The following PRELID3A variants were observed in gnomAD, a reference collection of about 807,000 sequenced individuals.
PRELID3A encodes the protein PRELI domain containing protein 3A.
PRELID3A carries 27 observed loss-of-function variants against 23.0 expected under a neutral mutation model. That is an observed-to-expected ratio of 1.17 (90% CI 0.87 to 1.62). The LOEUF is 1.62. Ranked by LOEUF, PRELID3A falls within the 40% of genes most tolerant of loss-of-function variation. The pLI, the probability that PRELID3A is intolerant of heterozygous loss-of-function variation, is 0.00. For missense variants in PRELID3A, 231 were observed against 231.4 expected (o/e 1.00, Z 0.01); for synonymous variants, 87 against 86.4 (o/e 1.01, Z -0.04).
intron 3 of PRELID3A, among the ~76,000 whole-genome samples, chr18:12,423,513 G>T (rs1174548884): frequency 1.3e-5 from 2 of 152,158 alleles, no homozygotes; most frequent in African/African-American, 4.8e-5. Context: ...TCTGGTTAGG[G>T]CGCCAGGCTG....
chr18:12,420,552 C>T (rs2143361498), intron 2 of PRELID3A, 59 bp downstream of exon 2: 1 of 1,432,300 alleles, frequency 7.0e-7, no homozygotes, highest in Non-Finnish European at 9.2e-7. Flanking sequence ...CCCGCCCCCG[C>T]CCTCTCCCGC....
At chr18:12,408,249 G>T (rs1292422009) in intron 1 of PRELID3A, among the ~76,000 whole-genome samples, 1 of 151,670 alleles carries the variant, frequency 6.6e-6, no homozygotes, top group Non-Finnish European at 1.5e-5. Context: ...GTGCGCAGGG[G>T]CCTGGCTGCA....
chr18:12,420,596 T>G, intron 2 of PRELID3A, 103 bp downstream of exon 2: 1 of 1,248,578 alleles, frequency 8.0e-7, no homozygotes, highest in Non-Finnish European at 1.0e-6. Flanking sequence ...CTCTGCTGCT[T>G]TGGCTGCCAT....
At chr18:12,420,896 C>T (rs2030157227) in intron 2 of PRELID3A, among the ~76,000 whole-genome samples, 1 of 152,050 alleles carries the variant, frequency 6.6e-6, no homozygotes, top group Admixed American at 6.5e-5. Flanking sequence ...CCCAAAGGGC[C>T]CGGGCCTGCT....
chr18:12,420,969 G>T (rs1041917356), intron 2 of PRELID3A, among the ~76,000 whole-genome samples: 9 of 152,154 alleles, frequency 5.9e-5, no homozygotes, highest in Non-Finnish European at 1.0e-4. Flanking sequence ...AGCGTCCGCA[G>T]CCAGCCGCAT....
intron 1 of PRELID3A, among the ~76,000 whole-genome samples, chr18:12,418,126 G>T (rs2030022688): frequency 6.6e-6 from 1 of 152,120 alleles, no homozygotes; most frequent in Non-Finnish European, 1.5e-5. Context: ...AAATATGGAA[G>T]AAAAAACTTC....
intron 1 of PRELID3A, among the ~76,000 whole-genome samples, chr18:12,409,069 A>C (rs567556407): frequency 1.3e-5 from 2 of 152,170 alleles, no homozygotes; most frequent in South Asian, 4.1e-4. Flanking sequence ...TTGGGGGGAA[A>C]AAAAGTACTG....
chr18:12,418,208 A>G (rs1259876510), intron 1 of PRELID3A, among the ~76,000 whole-genome samples: 1 of 152,186 alleles, frequency 6.6e-6, no homozygotes, highest in Non-Finnish European at 1.5e-5. Context: ...GAAGAATTAG[A>G]TATGTTGAAA....
intron 2 of PRELID3A, among the ~76,000 whole-genome samples, 168 bp downstream of exon 2, chr18:12,420,661 G>A (rs999829584): frequency 3.4e-5 from 5 of 147,474 alleles, no homozygotes; most frequent in South Asian, 2.2e-4. Flanking sequence ...GCGGGGTGGG[G>A]GTGGCGGTGG....
intron 1 of PRELID3A, among the ~76,000 whole-genome samples, chr18:12,408,761 G>C (rs1386609501): frequency 6.6e-6 from 1 of 152,142 alleles, no homozygotes; most frequent in Non-Finnish European, 1.5e-5. Context: ...AAGGGTGAGG[G>C]GGTGGGTGCA....
chr18:12,410,062 T>C (rs575757534), intron 1 of PRELID3A, among the ~76,000 whole-genome samples: 1 of 152,346 alleles, frequency 6.6e-6, no homozygotes, highest in East Asian at 1.9e-4. Context: ...ATTTGCCTTG[T>C]TGGGACATTG....
intron 3 of PRELID3A, among the ~76,000 whole-genome samples, chr18:12,424,039 G>C (rs934895772): frequency 6.6e-6 from 1 of 152,218 alleles, no homozygotes; most frequent in African/African-American, 2.4e-5. Context: ...CTGCAGGATA[G>C]AGCCTAGCTC....
chr18:12,421,578 A>C lies in PRELID3A; in HGVS notation c.240A>C (p.Glu80Asp). 6.2e-7 allele frequency: 1 copy of C among 1,613,958 alleles called. No individual in the cohort carries two copies. Among genetic ancestry groups the C allele is most frequent in the Non-Finnish European group, 8.5e-7 (1 of 1,179,862 alleles). ...GTAGGACATTGACATACATCCGAGA[A>C]CATTCTGTGGTGGATCCAGTGGAAA... ...GTSRTLTYIR[E>D]HSVVDPVEKK... Residue 80 changes from glutamate to aspartate, a missense_variant, in exon 3 of 7, where the codon GAA becomes GAC. By Grantham distance (45) the Glu-to-Asp change is conservative. Coordinates refer to ENST00000440960, the MANE Select transcript of PRELID3A (RefSeq NM_001142405.2).
chr18:12,429,891 C>T (rs894624594), intron 6 of PRELID3A, among the ~76,000 whole-genome samples: 7 of 152,270 alleles, frequency 4.6e-5, no homozygotes, highest in Non-Finnish European at 8.8e-5. Context: ...CCGGCCATTT[C>T]CTTTTAGCAG....
At chr18:12,409,060 T>TG (rs1226093710) in intron 1 of PRELID3A, among the ~76,000 whole-genome samples, 5 of 151,756 alleles carry the variant, frequency 3.3e-5, no homozygotes, top group African/African-American at 1.2e-4. Flanking sequence ...TATTTTATTT[T>TG]GGGGGGAAAA....
intron 1 of PRELID3A, among the ~76,000 whole-genome samples, chr18:12,415,572 A>G (rs11662659): frequency 0.12 from 18,862 of 152,088 alleles, 1,442 homozygotes; most frequent in East Asian, 0.25. Flanking sequence ...TCTTTTTAAG[A>G]CAGATTTTTG....
Position 12,426,283 on chromosome 18 carries a change from A to G in PRELID3A, c.292-758A>G, listed in dbSNP as rs533335763. ...GAAAAAGAAAATATAGGCCGGGTGG[A>G]GTGGCTCACGCCTGTAATCCCAGCA... On this transcript the variant is annotated intron_variant, in intron 3 of 6. Transcript: ENST00000440960. Among the ~76,000 whole-genome samples the G allele has an allele frequency of 6.3e-4, 94 of 148,220 alleles. 1 individual carries two copies. Among genetic ancestry groups the G allele is most frequent in the African/African-American group, 2.0e-3 (80 of 39,574 alleles).
Position 12,427,717 on chromosome 18 carries a change from A to T in PRELID3A, c.465+394A>T, listed in dbSNP as rs1177412504. On this transcript the variant is annotated intron_variant, in intron 5 of 6. Transcript: ENST00000440960. The stretch of plus-strand genomic sequence containing the variant: ...AAAAAAAAAAATAAAAATAAAAATA[A>T]AAAATAAATAAATAAAATCCTGAGT... 2.0e-5 allele frequency among the ~76,000 whole-genome samples: 3 copies of T among 151,974 alleles called. No individual in the cohort carries two copies. In the East Asian group the frequency reaches 5.8e-4, roughly 29 times the overall value.
chr18:12,429,674 C>T (rs923391025), intron 6 of PRELID3A, among the ~76,000 whole-genome samples: 1 of 152,216 alleles, frequency 6.6e-6, no homozygotes, highest in Non-Finnish European at 1.5e-5. Context: ...CTCTGGGTCG[C>T]ATGGTGGCAG....
Sources: allele counts gnomAD v4.1 joint callset (sites outside exome capture counted in the v4.1 genomes callset), GRCh38; gene constraint gnomAD v4.1.1; transcripts MANE v1.5; gene names NCBI Gene and HGNC (gene_info 2026-07-23, HGNC 2026-07-21).